SIRT2: variants seen among roughly 807,000 people sequenced by gnomAD.
SIRT2 encodes sirtuin 2.
SIRT2 carries 40 observed loss-of-function variants against 57.4 expected under a neutral mutation model. That is an observed-to-expected ratio of 0.70 (90% CI 0.54 to 0.91). The LOEUF is 0.91. Among genes scored for constraint, SIRT2 ranks in the 40% least tolerant of loss-of-function variants. The pLI is 0.00. For synonymous variants in SIRT2, 161 were observed against 195.7 expected, an observed-to-expected ratio of 0.82 and a Z score of 1.48; for missense variants, 439 against 510.4, an observed-to-expected ratio of 0.86 and a Z score of 1.35.
chr19:38,894,028 G>C, intron 2 of SIRT2, 161 bp from the exon 3 acceptor site: 3 of 1,444,058 alleles, frequency 2.1e-6, no homozygotes, highest in Middle Eastern at 2.2e-4. Context: ...AGGGCTCTGG[G>C]ACAGGCTGCC....
intron 8 of SIRT2, among the ~76,000 whole-genome samples, chr19:38,886,853 G>A (rs73539670): frequency 0.17 from 25,532 of 151,828 alleles, 3,019 homozygotes; most frequent in African/African-American, 0.34. Context: ...AACTCCTGAC[G>A]TTGACTTTGG....
At chr19:38,889,279 C>A in intron 7 of SIRT2, 124 bp from the exon 8 acceptor site, 1 of 851,928 alleles carries the variant, frequency 1.2e-6, no homozygotes, top group Non-Finnish European at 2.0e-6. Flanking sequence ...ACAGCAGCCG[C>A]GTCGGGGAGA....
In SIRT2 at chr19:38,898,367, C is replaced by A. The variant is rs1357604839; in HGVS notation, c.63+12G>T. On this transcript the variant is annotated intron_variant, in intron 2 of 15. Coordinates refer to ENST00000249396, the MANE Select transcript of SIRT2 (RefSeq NM_012237.4). The stretch of plus-strand genomic sequence containing the variant: ...GTCTCTCTCCTCCCCTCCACCCTTT[C>A]CCCCATCTCACCTGAGCCTCCTGCA... 5 of 1,499,460 alleles carry A rather than the reference C, an allele frequency of 3.3e-6. No homozygotes were observed. Among genetic ancestry groups the A allele is most frequent in the Non-Finnish European group, 4.5e-6 (5 of 1,114,646 alleles). 92.9% of individuals were successfully genotyped at this position (1,499,460 alleles called of 1,614,324 possible). A position where few individuals can be genotyped will look rare whatever the true frequency, so the allele number is the denominator to read the frequency against.
At position 38,889,851 on chromosome 19, in the gene SIRT2, A is replaced by C; in HGVS notation, c.375+4T>G. The C allele has an allele frequency of 6.2e-7, 1 of 1,613,824 alleles. No homozygotes were observed. ...CAGACGCCCCTTCCTGGGGGAGCAC[A>C]AACCTTGAAATAGCTGATCTCAAAG... is the stretch of plus-strand genomic sequence containing the variant. On this transcript the variant is annotated splice_donor_region_variant and intron_variant, in intron 6 of 15. Coordinates refer to ENST00000249396, the MANE Select transcript of SIRT2 (RefSeq NM_012237.4).
intron 4 of SIRT2, 141 bp from the exon 5 acceptor site, chr19:38,890,285 C>T (rs1450774466): frequency 1.3e-6 from 1 of 760,946 alleles, no homozygotes; most frequent in East Asian, 2.7e-5. Context: ...GCCTTCCAAT[C>T]ATCTAGACGG....
intron 10 of SIRT2, 53 bp downstream of exon 10, chr19:38,881,379 G>A (rs1973149233): frequency 7.8e-6 from 12 of 1,547,240 alleles, no homozygotes; most frequent in South Asian, 2.2e-5. Flanking sequence ...GTCAGGGGGA[G>A]GAGGGGACCC....
rs1184829410 is a variant in SIRT2, at chr19:38,896,105, T to TGA, written c.64-2240_64-2239dup. Among the ~76,000 whole-genome samples, 40 of 149,082 alleles carry TGA rather than the reference T, an allele frequency of 2.7e-4. 1 individual carries two copies. The highest frequency in any genetic ancestry group is 1.7e-3 in the Admixed American group (25 of 14,956). On this transcript the variant is annotated intron_variant, in intron 2 of 15. Coordinates refer to ENST00000249396, the MANE Select transcript of SIRT2 (RefSeq NM_012237.4). ...GAGAGAGAGAAAGAGAGAGTGAGAA[T>TGA]GAGAGAGAGAGAGAGACAGAGAGAA...
intron 2 of SIRT2, among the ~76,000 whole-genome samples, chr19:38,895,691 C>A (rs1432256620): frequency 3.3e-5 from 5 of 152,214 alleles, no homozygotes; most frequent in African/African-American, 1.2e-4. Context: ...AATCCCACCA[C>A]TTTGGGAGGC....
chr19:38,893,878 T>A lies in SIRT2; in HGVS notation c.64-11A>T, dbSNP rs781308825. 4.3e-6 allele frequency: 7 copies of A among 1,612,452 alleles called. No homozygotes were observed. Among genetic ancestry groups the A allele is most frequent in the Non-Finnish European group, 5.9e-6 (7 of 1,179,614 alleles). On this transcript the variant is annotated splice_polypyrimidine_tract_variant and intron_variant, in intron 2 of 15. Coordinates refer to ENST00000249396, the MANE Select transcript of SIRT2 (RefSeq NM_012237.4). ...GTCTGAATCTGAGTCCTGGAAGGGG[T>A]GGGGTGGAGTGGCCAGGCCCGAGAG...
intron 8 of SIRT2, among the ~76,000 whole-genome samples, chr19:38,885,637 C>T (rs560033495): frequency 9.6e-5 from 14 of 145,622 alleles, no homozygotes; most frequent in Admixed American, 3.6e-4. Context: ...TGTTGCCAGG[C>T]TGGAGTGCAG....
Position 38,880,639 on chromosome 19 carries a change from G to C in SIRT2, c.876+46C>G. Reference sequence around the variant, plus strand: ...TTCCCTCTGAGGAAAAGGGTGAGAGGGAAGGGGGAGCCTGTGACGACGGGG... The same window carrying C: ...TTCCCTCTGAGGAAAAGGGTGAGAGCGAAGGGGGAGCCTGTGACGACGGGG... On this transcript the variant is annotated intron_variant, in intron 13 of 15. Coordinates refer to ENST00000249396, the MANE Select transcript of SIRT2 (RefSeq NM_012237.4). This position sits in a 1 kb window ranked among gnomAD's most constrained non-coding sequence, Gnocchi z 4.1. 4 of 1,404,670 alleles carry C rather than the reference G, an allele frequency of 2.8e-6. No individual in the cohort carries two copies. The highest frequency in any genetic ancestry group is 3.9e-6 in the Non-Finnish European group (4 of 1,027,920). 87.0% of individuals were successfully genotyped at this position (1,404,670 alleles called of 1,614,324 possible).
chr19:38,887,417 T>A lies in SIRT2; in HGVS notation c.501+1670A>T, dbSNP rs1382167240. On this transcript the variant is annotated intron_variant, in intron 8 of 15. Transcript: ENST00000249396. Reference sequence around the variant, plus strand: ...ATCATATCTGAGCCACGTCCTGGAATAATGGTGACTCTCTGGGCAGAAGGT... The same window carrying A: ...ATCATATCTGAGCCACGTCCTGGAAAAATGGTGACTCTCTGGGCAGAAGGT... Among the ~76,000 whole-genome samples, 3 of 152,220 alleles carry A rather than the reference T, an allele frequency of 2.0e-5. No individual in the cohort carries two copies. The East Asian group carries it at 5.8e-4, about 29-fold the overall frequency.
At chr19:38,887,004 C>T (rs528608096) in intron 8 of SIRT2, among the ~76,000 whole-genome samples, 1 of 152,110 alleles carries the variant, frequency 6.6e-6, no homozygotes, top group Non-Finnish European at 1.5e-5. Flanking sequence ...GTGGGGCAAT[C>T]TCAGCTCAGG....
chr19:38,893,296 TG>T, intron 4 of SIRT2, 117 bp downstream of exon 4: 2 of 696,990 alleles, frequency 2.9e-6, no homozygotes, highest in South Asian at 3.3e-5. Context: ...CAGTTCCAGC[TG>T]GGTTTCTTGC....
intron 2 of SIRT2, among the ~76,000 whole-genome samples, chr19:38,897,302 GCC>G (rs1973746864): frequency 6.6e-6 from 1 of 152,078 alleles, no homozygotes; most frequent in South Asian, 2.1e-4. Context: ...ACCCCTTCAT[GCC>G]CCCCAGGTCT....
Position 38,880,970 on chromosome 19 carries a change from C to G in SIRT2, c.748-73G>C. ...CCGCTCCCTCCCCCGCCCCCAGCAG[C>G]AAACCTCCCTGCCGCCCCCCATAGC... is the stretch of plus-strand genomic sequence containing the variant. On this transcript the variant is annotated intron_variant, in intron 11 of 15. Transcript: ENST00000249396. The surrounding 1 kb of genome is among the most constrained non-coding windows in gnomAD (Gnocchi z 4.1). 1 of 1,562,550 alleles carries G rather than the reference C, an allele frequency of 6.4e-7. No individual in the cohort carries two copies.
intron 4 of SIRT2, chr19:38,891,969 G>T: frequency 2.1e-6 from 1 of 468,152 alleles, no homozygotes; most frequent in Non-Finnish European, 4.4e-6. Context: ...AGTGGCAGCT[G>T]GAGGACAGGG....
Position 38,880,819 on chromosome 19 carries a change from A to G in SIRT2, c.824+2T>C, listed in dbSNP as rs138805495. On this transcript the variant is annotated splice_donor_variant, in intron 12 of 15. Coordinates refer to ENST00000249396, the MANE Select transcript of SIRT2 (RefSeq NM_012237.4). LOFTEE classifies it high-confidence loss of function. This position sits in a 1 kb window ranked among gnomAD's most constrained non-coding sequence, Gnocchi z 4.1. ...TCCTCCCAGCCACAGCCCCCAACCT[A>G]CTTGCTGATGAGGGAGGCAAAGGGC... 1 of 1,613,578 alleles carries G rather than the reference A, an allele frequency of 6.2e-7. No homozygotes were observed. Among genetic ancestry groups the G allele is most frequent in the African/African-American group, 1.3e-5 (1 of 74,876 alleles).
intron 10 of SIRT2, 129 bp downstream of exon 10, chr19:38,881,303 G>C (rs764777620): frequency 8.7e-7 from 1 of 1,144,340 alleles, no homozygotes; most frequent in Non-Finnish European, 1.3e-6. Flanking sequence ...CCCCAGGATG[G>C]ATCTGGGGCA....
Sources: allele counts gnomAD v4.1 joint callset (sites outside exome capture counted in the v4.1 genomes callset), GRCh38; gene constraint gnomAD v4.1.1; non-coding constraint Gnocchi (gnomAD v3.1); transcripts MANE v1.5; gene names NCBI Gene and HGNC (gene_info 2026-07-23, HGNC 2026-07-21).